ADAMTS3: variants seen among roughly 807,000 people sequenced by gnomAD.
The protein encoded by ADAMTS3 is ADAM metallopeptidase with thrombospondin type 1 motif 3, also known as A disintegrin and metalloproteinase with thrombospondin motifs 3.
Under a neutral mutation model 129.0 loss-of-function variants are expected in ADAMTS3, and 73 were observed. The observed-to-expected ratio is 0.57, with a 90% CI of 0.47 to 0.69. The LOEUF (loss-of-function observed/expected upper bound fraction) is 0.69, where lower values mean the gene tolerates loss of function less well. Ranked by LOEUF, ADAMTS3 falls within the 30% of genes least tolerant of loss-of-function variation. The probability of loss-of-function intolerance (pLI) is 0.00; values close to 1 mark genes in which losing one functional copy is unlikely to be tolerated. For synonymous variants in ADAMTS3, 477 were observed against 510.8 expected (o/e 0.93, Z 0.89); for missense variants, 1,457 against 1,514.5 (o/e 0.96, Z 0.63).
At chr4:72,431,076 A>G (rs1287590368) in intron 3 of ADAMTS3, among the ~76,000 whole-genome samples, 1 of 152,002 alleles carries the variant, frequency 6.6e-6, no homozygotes, top group African/African-American at 2.4e-5. Flanking sequence ...GGAGCAAAAC[A>G]GAAATCAAAC....
chr4:72,346,777 A>T (rs1720297144), intron 4 of ADAMTS3, among the ~76,000 whole-genome samples: 1 of 152,102 alleles, frequency 6.6e-6, no homozygotes, highest in South Asian at 2.1e-4. Context: ...TATTTGCTAA[A>T]TCCAGCGACT....
intron 4 of ADAMTS3, among the ~76,000 whole-genome samples, chr4:72,360,280 T>C (rs527442483): frequency 5.3e-5 from 8 of 152,146 alleles, no homozygotes; most frequent in Middle Eastern, 3.4e-3. Flanking sequence ...AGTGTAGTCA[T>C]GACGAAGCTT....
chr4:72,327,167 T>C (rs1451337820), intron 5 of ADAMTS3, among the ~76,000 whole-genome samples: 1 of 152,134 alleles, frequency 6.6e-6, no homozygotes, highest in Non-Finnish European at 1.5e-5. Context: ...CAAAATTACA[T>C]AGGCATAAGG....
intron 3 of ADAMTS3, among the ~76,000 whole-genome samples, chr4:72,422,047 G>C (rs1328459189): frequency 6.6e-6 from 1 of 152,084 alleles, no homozygotes; most frequent in Non-Finnish European, 1.5e-5. Flanking sequence ...CCTGCTCTCA[G>C]GTCTGCAACA....
intron 3 of ADAMTS3, among the ~76,000 whole-genome samples, chr4:72,474,983 C>T (rs1378697121): frequency 1.3e-5 from 2 of 150,088 alleles, no homozygotes; most frequent in African/African-American, 4.9e-5. Context: ...GCCGAGATCC[C>T]GCCACTGCAC....
At chr4:72,483,496 T>G (rs1719494442) in intron 3 of ADAMTS3, among the ~76,000 whole-genome samples, 1 of 152,054 alleles carries the variant, frequency 6.6e-6, no homozygotes, top group South Asian at 2.1e-4. Context: ...TCCAAAAGAG[T>G]GACACCCCAT....
intron 3 of ADAMTS3, among the ~76,000 whole-genome samples, chr4:72,513,880 G>C (rs143454675): frequency 2.9e-4 from 44 of 151,996 alleles, no homozygotes; most frequent in African/African-American, 1.1e-3. Context: ...CTGTTATTAG[G>C]GTAAACATGT....
chr4:72,286,727 G>A (rs1718514910), intron 21 of ADAMTS3, among the ~76,000 whole-genome samples: 1 of 152,170 alleles, frequency 6.6e-6, no homozygotes, highest in Non-Finnish European at 1.5e-5. Flanking sequence ...GCATTTAAGA[G>A]AAGGGTTGTG....
chr4:72,323,862 T>C (rs1003941682), intron 5 of ADAMTS3, among the ~76,000 whole-genome samples: 1 of 152,228 alleles, frequency 6.6e-6, no homozygotes, highest in Non-Finnish European at 1.5e-5. Flanking sequence ...AGTCCAATTC[T>C]GTTTTATACA....
intron 2 of ADAMTS3, among the ~76,000 whole-genome samples, chr4:72,553,924 G>A (rs1420959984): frequency 6.6e-6 from 1 of 151,818 alleles, no homozygotes; most frequent in East Asian, 1.9e-4. Context: ...TTCTCAACTT[G>A]TTCAGAAGCT....
chr4:72,462,058 T>C (rs186681354), intron 3 of ADAMTS3, among the ~76,000 whole-genome samples: 17 of 152,030 alleles, frequency 1.1e-4, no homozygotes, highest in Admixed American at 9.2e-4. Flanking sequence ...TGGCCTCACA[T>C]AACTCACACA....
intron 3 of ADAMTS3, among the ~76,000 whole-genome samples, chr4:72,445,406 T>C (rs1307262739): frequency 6.6e-6 from 1 of 151,698 alleles, no homozygotes; most frequent in African/African-American, 2.4e-5. Context: ...CAGCCACCAA[T>C]ATGTTCAAAT....
rs368934001 is a variant in ADAMTS3 at position 72,396,667 on chromosome 4, A to G, written c.661+18148T>C. Among the ~76,000 whole-genome samples, 23 of 152,334 alleles carry G rather than the reference A, an allele frequency of 1.5e-4. No individual in the cohort carries two copies. The South Asian group carries it at 2.9e-3, about 19-fold the overall frequency. ...CTTTTCCTTCCATAAAGATGGACAC[A>G]TGACATTACTTTTAAAGCACATTAT... On this transcript the variant is annotated intron_variant, in intron 4 of 21. Coordinates refer to ENST00000286657, the MANE Select transcript of ADAMTS3 (RefSeq NM_014243.3).
At chr4:72,379,713 GTATCA>G (rs1331649606) in intron 4 of ADAMTS3, among the ~76,000 whole-genome samples, 2 of 152,022 alleles carry the variant, frequency 1.3e-5, no homozygotes, top group African/African-American at 4.8e-5. Flanking sequence ...CAAATCTGTA[GTATCA>G]TACACTTCAG....
chr4:72,407,327 T>C (rs1722075008), intron 4 of ADAMTS3, among the ~76,000 whole-genome samples: 1 of 152,190 alleles, frequency 6.6e-6, no homozygotes, highest in African/African-American at 2.4e-5. Context: ...TTAGGGACAC[T>C]GTATTAATAC....
chr4:72,500,478 TGTTCA>T (rs1321120322), intron 3 of ADAMTS3, among the ~76,000 whole-genome samples: 4 of 152,102 alleles, frequency 2.6e-5, no homozygotes, highest in African/African-American at 9.7e-5. Context: ...GCTTTTTGCT[TGTTCA>T]GTTAAGTTCC....
chr4:72,555,183 A>G lies in ADAMTS3; in HGVS notation c.98-6299T>C, dbSNP rs1040897119. Among the ~76,000 whole-genome samples, 5 of 151,890 alleles carry G rather than the reference A, an allele frequency of 3.3e-5. 1 individual carries two copies. Among genetic ancestry groups the G allele is most frequent in the African/African-American group, 1.2e-4 (5 of 41,136 alleles). On this transcript the variant is annotated intron_variant, in intron 2 of 21. Coordinates refer to ENST00000286657, the MANE Select transcript of ADAMTS3 (RefSeq NM_014243.3). ...AATCAAACCCTCCCACTTCAAAAGT[A>G]GAAAACAGAAAATCAGAGATTAAGT...
At chr4:72,374,379 A>G (rs1239045592) in intron 4 of ADAMTS3, among the ~76,000 whole-genome samples, 1 of 152,074 alleles carries the variant, frequency 6.6e-6, no homozygotes, top group East Asian at 1.9e-4. Context: ...TTTAGCATTA[A>G]GCTGCTAACC....
Position 72,561,001 on chromosome 4 carries a change from G to C in ADAMTS3, c.97+6373C>G, listed in dbSNP as rs1174436586. ...TCTGTGCTCCTGACCACTTGATAGA[G>C]GAAATATGAGTATTAACAGGTCCTC... is the stretch of plus-strand genomic sequence containing the variant. On this transcript the variant is annotated intron_variant, in intron 2 of 21. Coordinates refer to ENST00000286657, the MANE Select transcript of ADAMTS3 (RefSeq NM_014243.3). 3.3e-5 allele frequency among the ~76,000 whole-genome samples: 5 copies of C among 152,232 alleles called. No homozygotes were observed. In the East Asian group the frequency reaches 9.7e-4, roughly 29 times the overall value.
Sources: allele counts gnomAD v4.1 joint callset (sites outside exome capture counted in the v4.1 genomes callset), GRCh38; gene constraint gnomAD v4.1.1; transcripts MANE v1.5; gene names NCBI Gene and HGNC (gene_info 2026-07-23, HGNC 2026-07-21).